UBAC2: variants seen among roughly 807,000 people sequenced by gnomAD.
UBAC2 encodes UBA domain containing 2, also known as ubiquitin-associated domain-containing protein 2.
UBAC2 carries 26 observed loss-of-function variants against 44.0 expected under a neutral mutation model. That is an observed-to-expected ratio of 0.59 (90% CI 0.43 to 0.82). The LOEUF is 0.82. Among genes scored for constraint, UBAC2 ranks in the 40% least tolerant of loss-of-function variants. The pLI is 0.00. For synonymous variants in UBAC2, 155 were observed against 154.3 expected (o/e 1.00, Z -0.04); for missense variants, 329 against 419.4 (o/e 0.78, Z 1.88).
At chr13:99,377,937 G>A (rs752206636) in intron 8 of UBAC2, among the ~76,000 whole-genome samples, 5 of 152,198 alleles carry the variant, frequency 3.3e-5, no homozygotes, top group Non-Finnish European at 7.3e-5. Flanking sequence ...GCCACCCTGC[G>A]CTGGAGTCAG....
rs146013998 is a variant in UBAC2 at position 99,223,118 on chromosome 13, A to G, written c.32-15309A>G. Among the ~76,000 whole-genome samples the G allele has an allele frequency of 2.2e-3, 335 of 152,272 alleles. 4 individuals carry two copies. In the East Asian group the frequency reaches 0.026, roughly 12 times the overall value. On this transcript the variant is annotated intron_variant, in intron 1 of 8. Transcript: ENST00000403766. The stretch of plus-strand genomic sequence containing the variant: ...CTGTTTCATCTAAGTTATCAAATTT[A>G]TGGGCGTAAAGTATTTCCTAACATT...
intron 1 of UBAC2, among the ~76,000 whole-genome samples, chr13:99,209,245 C>T (rs1289077640): frequency 1.3e-5 from 2 of 152,206 alleles, no homozygotes. Context: ...GTACTCACAG[C>T]CCCTCAAGGA....
intron 4 of UBAC2, among the ~76,000 whole-genome samples, chr13:99,281,259 A>G (rs2043951125): frequency 6.6e-6 from 1 of 152,082 alleles, no homozygotes; most frequent in Admixed American, 6.5e-5. Context: ...GTTGAATTTC[A>G]CATTTGGGTT....
At chr13:99,369,064 G>A (rs547613392) in intron 8 of UBAC2, among the ~76,000 whole-genome samples, 111 of 152,108 alleles carry the variant, frequency 7.3e-4, no homozygotes, top group African/African-American at 2.6e-3. Context: ...TATAATAGTA[G>A]ATAAATATTT....
At chr13:99,355,887 C>G (rs1450006581) in intron 7 of UBAC2, among the ~76,000 whole-genome samples, 2 of 152,224 alleles carry the variant, frequency 1.3e-5, no homozygotes, top group Admixed American at 6.5e-5. Flanking sequence ...TCCCATGGCT[C>G]TCTCCAGAGT....
chr13:99,339,866 T>G (rs1286834464), intron 6 of UBAC2, among the ~76,000 whole-genome samples: 1 of 152,234 alleles, frequency 6.6e-6, no homozygotes, highest in Admixed American at 6.5e-5. Context: ...TAGATTGTGT[T>G]TATTCTCTGA....
chr13:99,315,814 G>GT (rs1360441677), intron 5 of UBAC2, among the ~76,000 whole-genome samples: 1 of 151,588 alleles, frequency 6.6e-6, no homozygotes, highest in Non-Finnish European at 1.5e-5. Flanking sequence ...TTCTTGTTTT[G>GT]TTTTTGGCAT....
intron 4 of UBAC2, among the ~76,000 whole-genome samples, chr13:99,260,563 C>T (rs1303301629): frequency 1.3e-5 from 2 of 152,206 alleles, no homozygotes; most frequent in Non-Finnish European, 1.5e-5. Context: ...CCCCCGTTCG[C>T]TGTGCTCCTG....
intron 4 of UBAC2, among the ~76,000 whole-genome samples, chr13:99,277,253 C>A (rs963920360): frequency 6.6e-6 from 1 of 152,152 alleles, no homozygotes; most frequent in Non-Finnish European, 1.5e-5. Context: ...AGGCCAGGTG[C>A]AGTGGCTCAT....
intron 8 of UBAC2, among the ~76,000 whole-genome samples, chr13:99,376,578 C>T (rs2045482732): frequency 6.6e-6 from 1 of 152,230 alleles, no homozygotes; most frequent in African/African-American, 2.4e-5. Flanking sequence ...AGTCAGGTTT[C>T]CTGTTACGGA....
intron 4 of UBAC2, among the ~76,000 whole-genome samples, chr13:99,279,403 G>C (rs2043924605): frequency 6.6e-6 from 1 of 152,206 alleles, no homozygotes; most frequent in African/African-American, 2.4e-5. Flanking sequence ...TGCAGAAGCT[G>C]TCTTTGACTA....
intron 5 of UBAC2, among the ~76,000 whole-genome samples, chr13:99,315,508 G>A (rs188607905): frequency 1.3e-5 from 2 of 152,154 alleles, no homozygotes; most frequent in Non-Finnish European, 2.9e-5. Context: ...TATTAATTGT[G>A]GAGTAGGAGT....
At chr13:99,237,735 G>A (rs925072298) in intron 1 of UBAC2, among the ~76,000 whole-genome samples, 54 of 152,312 alleles carry the variant, frequency 3.5e-4, no homozygotes, top group Admixed American at 1.3e-3. Flanking sequence ...CAGAAGGATC[G>A]CTTGAGCCCA....
At chr13:99,249,650 T>A (rs891646177) in intron 4 of UBAC2, among the ~76,000 whole-genome samples, 3 of 152,214 alleles carry the variant, frequency 2.0e-5, no homozygotes, top group Admixed American at 6.5e-5. Context: ...TAATTTACAT[T>A]CCCACCAACA....
intron 1 of UBAC2, 130 bp from the exon 2 acceptor site, chr13:99,238,297 C>T (rs1030554181): frequency 1.6e-6 from 2 of 1,260,460 alleles, no homozygotes; most frequent in African/African-American, 1.5e-5. Flanking sequence ...ATATTAGAAC[C>T]AAATTTCAGA....
chr13:99,366,824 C>G (rs769956685), intron 7 of UBAC2, among the ~76,000 whole-genome samples: 7 of 152,194 alleles, frequency 4.6e-5, no homozygotes, highest in Non-Finnish European at 1.0e-4. Flanking sequence ...CAGTGTGCGG[C>G]TCTGCTTCCC....
chr13:99,370,605 G>A (rs551257070), intron 8 of UBAC2, among the ~76,000 whole-genome samples: 1 of 152,282 alleles, frequency 6.6e-6, no homozygotes, highest in South Asian at 2.1e-4. Context: ...CCACGCACCT[G>A]CCTCTGTAGC....
At chr13:99,268,550 G>A (rs979776260) in intron 4 of UBAC2, among the ~76,000 whole-genome samples, 1 of 145,018 alleles carries the variant, frequency 6.9e-6, no homozygotes, top group African/African-American at 2.6e-5. Flanking sequence ...CGAGGCTGCA[G>A]TGAGCCATGA....
intron 2 of UBAC2, among the ~76,000 whole-genome samples, chr13:99,243,136 G>C (rs747674086): frequency 1.3e-5 from 2 of 152,018 alleles, no homozygotes; most frequent in Non-Finnish European, 2.9e-5. Flanking sequence ...TCATTGTGAA[G>C]GGGAAATAAG....
Sources: gnomAD v4.1 joint callset for allele counts (sites outside exome capture counted in the v4.1 genomes callset) on GRCh38, gnomAD v4.1.1 for gene constraint, MANE v1.5 for transcripts, NCBI Gene and HGNC (gene_info 2026-07-23, HGNC 2026-07-21) for gene names.